INVS: variants seen among roughly 807,000 people sequenced by gnomAD.
INVS encodes the protein inversion of embryo turning homolog.
INVS carries 86 observed loss-of-function variants against 108.8 expected under a neutral mutation model. The ratio of observed to expected loss-of-function variants is 0.79; its 90% CI spans 0.66 to 0.95. The LOEUF is 0.95. INVS is among the 40% of genes least tolerant of loss of function. The pLI is 0.00. For missense variants in INVS, 1,169 were observed against 1,297.4 expected (o/e 0.90, Z 1.52); for synonymous variants, 455 against 473.5 (o/e 0.96, Z 0.51).
intron 3 of INVS, among the ~76,000 whole-genome samples, chr9:100,195,080 G>A (rs1005079740): frequency 1.3e-5 from 2 of 152,176 alleles, no homozygotes; most frequent in Non-Finnish European, 2.9e-5. Context: ...TGCTGCGCCT[G>A]CTACAGATAA....
At chr9:100,147,735 A>G (rs1828663847) in intron 3 of INVS, among the ~76,000 whole-genome samples, 1 of 152,162 alleles carries the variant, frequency 6.6e-6, no homozygotes, top group African/African-American at 2.4e-5. Context: ...AAAATATGGT[A>G]CATTTATACA....
chr9:100,251,450 T>TTACTC (rs1322007014), intron 8 of INVS, among the ~76,000 whole-genome samples: 1 of 152,090 alleles, frequency 6.6e-6, no homozygotes, highest in African/African-American at 2.4e-5. Context: ...TAGAGAGGAG[T>TTACTC]CAGTGTACAT....
chr9:100,138,929 C>T (rs1468214005), intron 3 of INVS, among the ~76,000 whole-genome samples: 1 of 152,138 alleles, frequency 6.6e-6, no homozygotes, highest in Non-Finnish European at 1.5e-5. Context: ...TGGTCTTGAA[C>T]TCCTGACCTC....
At chr9:100,144,200 T>C (rs1427189629) in intron 3 of INVS, among the ~76,000 whole-genome samples, 1 of 152,126 alleles carries the variant, frequency 6.6e-6, no homozygotes, top group East Asian at 1.9e-4. Context: ...TCCTGGCTGC[T>C]GTGGTTCAGG....
At chr9:100,194,942 G>A (rs1830328145) in intron 3 of INVS, among the ~76,000 whole-genome samples, 3 of 152,138 alleles carry the variant, frequency 2.0e-5, no homozygotes, top group Admixed American at 2.0e-4. Context: ...GGGTAGTGGT[G>A]AAACTTACTG....
chr9:100,247,387 G>A (rs1483113601), intron 8 of INVS, among the ~76,000 whole-genome samples: 1 of 151,998 alleles, frequency 6.6e-6, no homozygotes, highest in Non-Finnish European at 1.5e-5. Flanking sequence ...CCTATGTGTT[G>A]GTTAATGAAA....
chr9:100,226,142 G>A lies in INVS; in HGVS notation c.354G>A (p.Leu118=). 1 of 1,613,984 alleles carries A rather than the reference G, an allele frequency of 6.2e-7. No individual in the cohort carries two copies. The part of the protein sequence containing the change: ...MQKDLEEMTP[L]HLTTRHRSPK... The stretch of plus-strand genomic sequence containing the variant: ...AGGATCTGGAAGAGATGACTCCTTT[G>A]CACTTGACCACCCGGCACAGGAGCC... The change falls in exon 4 of 17, where the codon TTG becomes TTA. Residue 118 remains leucine (L), a synonymous_variant. Transcript: ENST00000262457.
At chr9:100,229,337 G>A (rs951737543) in intron 4 of INVS, among the ~76,000 whole-genome samples, 5 of 152,086 alleles carry the variant, frequency 3.3e-5, no homozygotes, top group Non-Finnish European at 5.9e-5. Context: ...GTGACTAACT[G>A]GCAGGGAATG....
chr9:100,248,473 G>GT (rs774955409), intron 8 of INVS, among the ~76,000 whole-genome samples: 5,901 of 144,552 alleles, frequency 0.041, 178 homozygotes, highest in Non-Finnish European at 0.058. Context: ...CCTCTACAGG[G>GT]TTTTTTTTTT....
At chr9:100,190,111 C>G (rs1183800511) in intron 3 of INVS, among the ~76,000 whole-genome samples, 1 of 152,056 alleles carries the variant, frequency 6.6e-6, no homozygotes, top group African/African-American at 2.4e-5. Context: ...TGGATTGATC[C>G]TTTTATCACT....
chr9:100,155,312 T>G (rs1445593275), intron 3 of INVS, among the ~76,000 whole-genome samples: 1 of 152,106 alleles, frequency 6.6e-6, no homozygotes, highest in Non-Finnish European at 1.5e-5. Flanking sequence ...GAGAGAATTA[T>G]TCAAGTGAAT....
chr9:100,287,188 C>T (rs1833471012), intron 13 of INVS, among the ~76,000 whole-genome samples: 1 of 152,106 alleles, frequency 6.6e-6, no homozygotes, highest in Non-Finnish European at 1.5e-5. Flanking sequence ...GATGGGATTC[C>T]TTGACTCTGG....
At chr9:100,258,885 G>C (rs542723683) in intron 10 of INVS, among the ~76,000 whole-genome samples, 1 of 152,342 alleles carries the variant, frequency 6.6e-6, no homozygotes, top group South Asian at 2.1e-4. Flanking sequence ...TGAGGAGGTA[G>C]TCTGTCCATT....
At chr9:100,123,857 G>A (rs904221976) in intron 2 of INVS, among the ~76,000 whole-genome samples, 7 of 152,200 alleles carry the variant, frequency 4.6e-5, no homozygotes, top group Admixed American at 1.3e-4. Context: ...CCAGGCTGGA[G>A]TGCAGTGGTG....
At chr9:100,218,719 A>G (rs1831059673) in intron 3 of INVS, among the ~76,000 whole-genome samples, 1 of 152,188 alleles carries the variant, frequency 6.6e-6, no homozygotes, top group African/African-American at 2.4e-5. Context: ...GAATTTTGGA[A>G]TATTCTTTGC....
intron 3 of INVS, among the ~76,000 whole-genome samples, chr9:100,144,408 G>A (rs962430731): frequency 6.6e-6 from 1 of 152,160 alleles, no homozygotes; most frequent in African/African-American, 2.4e-5. Flanking sequence ...AATGTATATT[G>A]AGAATAAGAT....
intron 3 of INVS, among the ~76,000 whole-genome samples, chr9:100,159,814 A>C (rs1289263234): frequency 6.6e-6 from 1 of 152,108 alleles, no homozygotes; most frequent in African/African-American, 2.4e-5. Context: ...AGTGTAGCTA[A>C]AGGTTTATTC....
intron 2 of INVS, among the ~76,000 whole-genome samples, chr9:100,111,048 C>A (rs1435271247): frequency 6.6e-6 from 1 of 152,150 alleles, no homozygotes; most frequent in South Asian, 2.1e-4. Flanking sequence ...TTCCATTGTT[C>A]CCATGTTGTC....
At chr9:100,267,771 A>G (rs545393106) in intron 11 of INVS, among the ~76,000 whole-genome samples, 5 of 152,366 alleles carry the variant, frequency 3.3e-5, no homozygotes, top group African/African-American at 1.2e-4. Flanking sequence ...AATACTGGGT[A>G]TAGACTTCAA....
Sources: gnomAD v4.1 joint callset for allele counts (sites outside exome capture counted in the v4.1 genomes callset) on GRCh38, gnomAD v4.1.1 for gene constraint, MANE v1.5 for transcripts, NCBI Gene and HGNC (gene_info 2026-07-23, HGNC 2026-07-21) for gene names.